The following SRRM1 variants were observed in gnomAD, a reference collection of about 807,000 sequenced individuals.
SRRM1 encodes serine/arginine repetitive matrix protein 1.
Under a neutral mutation model 110.2 loss-of-function variants are expected in SRRM1, and 19 were observed. That is an observed-to-expected ratio of 0.17 (90% CI 0.12 to 0.25). The LOEUF (loss-of-function observed/expected upper bound fraction) is 0.25, where lower values mean the gene tolerates loss of function less well. Among genes scored for constraint, SRRM1 ranks in the 10% least tolerant of loss-of-function variants. The pLI is 1.00. For synonymous variants in SRRM1, 443 were observed against 414.9 expected (o/e 1.07, Z -0.82); for missense variants, 918 against 1,145.8 (o/e 0.80, Z 2.87).
chr1:24,661,276 AAAG>A (rs780752030), intron 10 of SRRM1, 31 bp from the exon 11 acceptor site: 36 of 1,563,372 alleles, frequency 2.3e-5, no homozygotes, highest in Non-Finnish European at 2.9e-5. Flanking sequence ...ATGCTTAACT[AAAG>A]AAACACTTTC....
intron 12 of SRRM1, among the ~76,000 whole-genome samples, chr1:24,665,524 T>C (rs1300292399): frequency 7.9e-5 from 12 of 151,174 alleles, no homozygotes; most frequent in African/African-American, 2.7e-4. Context: ...CCATCCTGGC[T>C]AACACGGTGA....
rs947324333 is a variant in SRRM1 at position 24,652,943 on chromosome 1, A to G, written c.951A>G (p.Pro317=). The change falls in exon 8 of 17, where the codon CCA becomes CCG. Residue 317 remains proline (P), a synonymous_variant. Transcript: ENST00000323848. ...ATTCACCTAGAAGGCGGCCAAGCCC[A>G]AGAAGGCGGCCATCTCCTCGAAGAA... The part of the protein sequence containing the change: ...RSYSPRRRPS[P]RRRPSPRRRT... The G allele has an allele frequency of 7.4e-6, 12 of 1,613,884 alleles. No homozygotes were observed. The highest frequency in any genetic ancestry group is 9.3e-6 in the Non-Finnish European group (11 of 1,179,950).
intron 1 of SRRM1, among the ~76,000 whole-genome samples, chr1:24,644,640 G>A (rs950663071): frequency 1.3e-5 from 2 of 152,096 alleles, no homozygotes; most frequent in Non-Finnish European, 2.9e-5. Context: ...CTGTTCTTAG[G>A]CAAACAGTAA....
chr1:24,644,051 G>A (rs1354885539), intron 1 of SRRM1, among the ~76,000 whole-genome samples: 1 of 152,168 alleles, frequency 6.6e-6, no homozygotes, highest in Admixed American at 6.5e-5. Context: ...GTTGTGGAGT[G>A]ATTCAATTCC....
In SRRM1 at chr1:24,655,273, C is replaced by T. The variant is rs1440870312; in HGVS notation, c.1315+144C>T. 1.2e-5 allele frequency: 12 copies of T among 1,008,260 alleles called. No homozygotes were observed. In the East Asian group the frequency reaches 2.3e-4, roughly 20 times the overall value. 62.5% of individuals were successfully genotyped at this position (1,008,260 alleles called of 1,614,324 possible). On this transcript the variant is annotated intron_variant, in intron 9 of 16. Coordinates refer to ENST00000323848, the MANE Select transcript of SRRM1 (RefSeq NM_005839.4). The stretch of plus-strand genomic sequence containing the variant: ...ACTCTCTGTAGGTTTACTTATAAGC[C>T]TACCTCTTTCCTGCTTTAAAATCTT...
At chr1:24,670,896 T>C (rs564365568) in intron 15 of SRRM1, among the ~76,000 whole-genome samples, 1 of 152,246 alleles carries the variant, frequency 6.6e-6, no homozygotes, top group African/African-American at 2.4e-5. Flanking sequence ...ATTTGGTATG[T>C]GTGTCATGAG....
chr1:24,670,159 A>G lies in SRRM1; in HGVS notation c.2244A>G (p.Ser748=), dbSNP rs1166880805. The G allele has an allele frequency of 6.2e-7, 1 of 1,612,352 alleles. No homozygotes were observed. Among genetic ancestry groups the G allele is most frequent in the Admixed American group, 1.7e-5 (1 of 59,662 alleles). ...SPSPQSVRRV[S]SSRSVSGSPE... Reference sequence around the variant, plus strand: ...GCCCACAGTCTGTAAGAAGGGTCTCATCCTCCCGATCTGTCTCCGGGTCTC... The same window carrying G: ...GCCCACAGTCTGTAAGAAGGGTCTCGTCCTCCCGATCTGTCTCCGGGTCTC... Residue 748 remains serine, a synonymous_variant, in exon 15 of 17, where the codon TCA becomes TCG. Coordinates refer to ENST00000323848, the MANE Select transcript of SRRM1 (RefSeq NM_005839.4).
At chr1:24,657,168 A>G (rs1347505009) in intron 9 of SRRM1, among the ~76,000 whole-genome samples, 1 of 152,114 alleles carries the variant, frequency 6.6e-6, no homozygotes, top group Admixed American at 6.5e-5. Context: ...GCAGCCTCCA[A>G]CCCCTGGGAT....
rs1189398056 is a variant in SRRM1 at position 24,654,942 on chromosome 1, G to A, written c.1128G>A (p.Lys376=). The change falls in exon 9 of 17, where the codon AAG becomes AAA. Residue 376 remains lysine, a synonymous_variant. Transcript: ENST00000323848. The part of the protein sequence containing the change: ...RSRSPPKKPP[K]RTSSPPRKTR... ...GGTCACCACCAAAGAAGCCTCCCAA[G>A]AGGACATCCAGCCCCCCTCGGAAAA... The A allele has an allele frequency of 8.7e-6, 14 of 1,614,000 alleles. No homozygotes were observed. Among genetic ancestry groups the A allele is most frequent in the Non-Finnish European group, 1.1e-5 (13 of 1,180,024 alleles).
intron 9 of SRRM1, among the ~76,000 whole-genome samples, chr1:24,659,354 TGTGA>T (rs773530051): frequency 2.6e-5 from 4 of 152,226 alleles, no homozygotes; most frequent in African/African-American, 9.7e-5. Flanking sequence ...GAATTCTGAA[TGTGA>T]GTGTCTGTTA....
rs536547168 is a variant in SRRM1, at chr1:24,672,957, G to GGTTTTGTTTTTTTT, written c.*686_*699dup. On this transcript the variant is annotated 3_prime_UTR_variant, in exon 17 of 17. Coordinates refer to ENST00000323848, the MANE Select transcript of SRRM1 (RefSeq NM_005839.4). ...CACTGGACTCTCATTCTGTTATTCT[G>GGTTTTGTTTTTTTT]GTTTTGTTTTTTTTGTTTTGTTTTT... 6.6e-6 allele frequency: 1 copy of GGTTTTGTTTTTTTT among 152,240 alleles called. No homozygotes were observed. Among genetic ancestry groups the GGTTTTGTTTTTTTT allele is most frequent in the African/African-American group, 2.4e-5 (1 of 41,394 alleles). The allele number at this position is 152,240 out of a possible 1,614,324, so 9.4% of individuals were successfully genotyped here. A position where few individuals can be genotyped will look rare whatever the true frequency, so the allele number is the denominator to read the frequency against.
chr1:24,651,161 AC>A (rs1237111421), intron 5 of SRRM1, among the ~76,000 whole-genome samples: 1 of 152,174 alleles, frequency 6.6e-6, no homozygotes, highest in Non-Finnish European at 1.5e-5. Context: ...ATGATTAAGA[AC>A]CTAAGTCTAG....
chr1:24,654,028 A>G (rs1451642646), intron 8 of SRRM1, among the ~76,000 whole-genome samples: 1 of 152,166 alleles, frequency 6.6e-6, no homozygotes, highest in Non-Finnish European at 1.5e-5. Context: ...TGTTGCAAAG[A>G]ATTGATGTGT....
intron 3 of SRRM1, 53 bp downstream of exon 3, chr1:24,646,842 T>G: frequency 1.4e-6 from 2 of 1,478,090 alleles, no homozygotes; most frequent in Non-Finnish European, 1.8e-6. Context: ...AATTTGTGAA[T>G]CTTTGGAAAC....
intron 5 of SRRM1, 92 bp from the exon 6 acceptor site, chr1:24,651,317 T>A: frequency 1.0e-6 from 1 of 980,530 alleles, no homozygotes; most frequent in Non-Finnish European, 1.5e-6. Context: ...TAAACAGTAG[T>A]GTAACTAAAG....
At position 24,672,223 on chromosome 1, in the gene SRRM1, A is replaced by G; in HGVS notation, c.2652A>G (p.Glu884=). 1 of 1,611,588 alleles carries G rather than the reference A, an allele frequency of 6.2e-7. No homozygotes were observed. The highest frequency in any genetic ancestry group is 8.5e-7 in the Non-Finnish European group (1 of 1,178,710). ...SEAEDNLDDL[E]KHLREKALRS... is the part of the protein sequence containing the mutation. ...CTGAAGATAACCTTGATGATTTAGA[A>G]AAGCACCTGCGTGAAAAGGCCCTGA... The change falls in exon 17 of 17, where the codon GAA becomes GAG. Residue 884 remains glutamate, a synonymous_variant. Transcript: ENST00000323848.
chr1:24,643,474 G>T (rs1348598042), intron 1 of SRRM1, 127 bp downstream of exon 1: 1 of 637,720 alleles, frequency 1.6e-6, no homozygotes, highest in Non-Finnish European at 2.3e-6. Flanking sequence ...TCCTCCTAGA[G>T]CCGGCGCACC....
At chr1:24,662,159 A>C (rs1362516962) in intron 11 of SRRM1, among the ~76,000 whole-genome samples, 4 of 152,232 alleles carry the variant, frequency 2.6e-5, no homozygotes, top group Non-Finnish European at 5.9e-5. Flanking sequence ...TATTGTAAGA[A>C]TATACCAGGC....
intron 11 of SRRM1, among the ~76,000 whole-genome samples, chr1:24,662,419 CTT>C (rs1182777812): frequency 6.6e-6 from 1 of 152,194 alleles, no homozygotes; most frequent in African/African-American, 2.4e-5. Context: ...CCAGCTCAAA[CTT>C]CTTAGAGTAT....
Sources: gnomAD v4.1 joint callset for allele counts (sites outside exome capture counted in the v4.1 genomes callset) on GRCh38, gnomAD v4.1.1 for gene constraint, MANE v1.5 for transcripts, NCBI Gene and HGNC (gene_info 2026-07-23, HGNC 2026-07-21) for gene names.